PCBP3: variants seen among roughly 807,000 people sequenced by gnomAD.
The protein encoded by PCBP3 is poly(rC)-binding protein 3.
A neutral mutation model predicts 52.7 loss-of-function variants in PCBP3; 25 were observed. That is an observed-to-expected ratio of 0.47 (90% CI 0.35 to 0.66). PCBP3 has a LOEUF of 0.66. Among genes scored for constraint, PCBP3 ranks in the 30% least tolerant of loss-of-function variants. The pLI is 0.01. For missense variants in PCBP3, 391 were observed against 490.3 expected, an observed-to-expected ratio of 0.80 and a Z score of 1.91; for synonymous variants, 162 against 183.0, an observed-to-expected ratio of 0.89 and a Z score of 0.93.
chr21:45,908,710 C>T lies in PCBP3; in HGVS notation c.340-645C>T, dbSNP rs1373514515. ...TCCGGGCCACAGCCTGGACACGCCC[C>T]ATGCGGCTGACAGAAGCCCTGTCCC... On this transcript the variant is annotated intron_variant, in intron 9 of 17. Transcript: ENST00000681687. Among the ~76,000 whole-genome samples the T allele has an allele frequency of 2.6e-5, 4 of 152,186 alleles. No individual in the cohort carries two copies. The South Asian group carries it at 8.3e-4, about 31-fold the overall frequency.
chr21:45,848,106 G>GA (rs2093855285), intron 4 of PCBP3: 1 of 152,224 alleles, frequency 6.6e-6, no homozygotes, highest in South Asian at 2.1e-4. Flanking sequence ...CAAAGGATTG[G>GA]ACAAAACGCA....
intron 4 of PCBP3, among the ~76,000 whole-genome samples, chr21:45,822,106 A>G (rs1356871688): frequency 6.6e-6 from 1 of 152,136 alleles, no homozygotes; most frequent in Non-Finnish European, 1.5e-5. Flanking sequence ...ACGTGTGACT[A>G]TCACCCATAG....
chr21:45,768,529 C>T (rs1208056993), intron 4 of PCBP3, among the ~76,000 whole-genome samples: 2 of 152,324 alleles, frequency 1.3e-5, no homozygotes, highest in African/African-American at 2.4e-5. Context: ...ATATCATTAC[C>T]ACATTCTTGT....
chr21:45,917,674 T>G lies in PCBP3; in HGVS notation c.717+45T>G. The G allele has an allele frequency of 6.9e-7, 1 of 1,447,240 alleles. No individual in the cohort carries two copies. Among genetic ancestry groups the G allele is most frequent in the Non-Finnish European group, 9.7e-7 (1 of 1,027,730 alleles). The allele number at this position is 1,447,240 out of a possible 1,614,324, so 89.6% of individuals were successfully genotyped here. ...TCCTCTCACCTTTCTCTTCTCATGG[T>G]TGTTTACCTACCTGCATGCTGCTGT... is the stretch of plus-strand genomic sequence containing the variant. On this transcript the variant is annotated intron_variant, in intron 13 of 17. Transcript: ENST00000681687. This position sits in a 1 kb window ranked among gnomAD's most constrained non-coding sequence, Gnocchi z 5.3.
chr21:45,716,113 T>G (rs745719681), intron 2 of PCBP3, among the ~76,000 whole-genome samples: 1 of 152,170 alleles, frequency 6.6e-6, no homozygotes, highest in African/African-American at 2.4e-5. Flanking sequence ...AGTCCTTAGG[T>G]CTTTGATTCA....
intron 2 of PCBP3, among the ~76,000 whole-genome samples, chr21:45,713,652 C>T (rs2084010190): frequency 6.6e-6 from 1 of 152,222 alleles, no homozygotes; most frequent in African/African-American, 2.4e-5. Flanking sequence ...ACGCCATGCT[C>T]CGCTACTTGC....
Position 45,736,979 on chromosome 21 carries a change from G to C in PCBP3, c.-162+1550G>C, listed in dbSNP as rs2085919945. 6.6e-6 allele frequency among the ~76,000 whole-genome samples: 1 copy of C among 152,116 alleles called. No individual in the cohort carries two copies. The highest frequency in any genetic ancestry group is 1.5e-5 in the Non-Finnish European group (1 of 68,002). ...GACACGGGGCATCTGCGCGAGTCTT[G>C]CTGGAGGTGCACGTGTGAGCCCCTT... On this transcript the variant is annotated intron_variant, in intron 3 of 17. Transcript: ENST00000681687. The surrounding 1 kb of genome is among the most constrained non-coding windows in gnomAD (Gnocchi z 4.6).
At chr21:45,875,833 G>A (rs976085984) in intron 5 of PCBP3, among the ~76,000 whole-genome samples, 1 of 152,208 alleles carries the variant, frequency 6.6e-6, no homozygotes, top group African/African-American at 2.4e-5. Context: ...CACCTATATA[G>A]GACACACATT....
At position 45,821,281 on chromosome 21, in the gene PCBP3, T is replaced by C. The variant is rs1308122638; in HGVS notation, c.-125-28680T>C. The stretch of plus-strand genomic sequence containing the variant: ...CAAGACCCTCAGGGTCGCCAGTGAC[T>C]CCTGGGTCACACTGGCCCAGCACAC... On this transcript the variant is annotated intron_variant, in intron 4 of 17. Coordinates refer to ENST00000681687, the MANE Select transcript of PCBP3 (RefSeq NM_001384156.1). This position sits in a 1 kb window ranked among gnomAD's most constrained non-coding sequence, Gnocchi z 4.4. Among the ~76,000 whole-genome samples the C allele has an allele frequency of 6.6e-6, 1 of 151,904 alleles. No individual in the cohort carries two copies. Among genetic ancestry groups the C allele is most frequent in the African/African-American group, 2.4e-5 (1 of 41,312 alleles).
intron 2 of PCBP3, among the ~76,000 whole-genome samples, chr21:45,713,220 G>A (rs537609784): frequency 1.3e-5 from 2 of 152,100 alleles, no homozygotes; most frequent in African/African-American, 4.8e-5. Flanking sequence ...CTTGGTGTCC[G>A]TTTATCTTCC....
intron 2 of PCBP3, among the ~76,000 whole-genome samples, chr21:45,678,550 T>C (rs542252552): frequency 6.4e-4 from 97 of 152,054 alleles, no homozygotes; most frequent in Admixed American, 4.2e-3. Flanking sequence ...CCATCCTTTA[T>C]TGAAGGAAGT....
intron 12 of PCBP3, chr21:45,915,426 T>G (rs381083): frequency 0.67 from 102,389 of 152,176 alleles, 35,416 homozygotes; most frequent in African/African-American, 0.81. Flanking sequence ...ACTCCACCTT[T>G]ATGTTTAAAC....
intron 6 of PCBP3, among the ~76,000 whole-genome samples, chr21:45,898,397 G>GGACCCCTCTA (rs1569466780): frequency 2.7e-5 from 2 of 75,342 alleles, no homozygotes; most frequent in Non-Finnish European, 2.9e-5. Flanking sequence ...GCCTCCCTCT[G>GGACCCCTCTA]CACACCGTCC....
intron 4 of PCBP3, among the ~76,000 whole-genome samples, chr21:45,814,256 T>C (rs1444726270): frequency 6.6e-6 from 1 of 152,192 alleles, no homozygotes; most frequent in African/African-American, 2.4e-5. Context: ...TGGAGGTTGC[T>C]CTGGGTGAGT....
At chr21:45,756,569 G>A (rs765751150) in intron 4 of PCBP3, among the ~76,000 whole-genome samples, 41 of 152,190 alleles carry the variant, frequency 2.7e-4, no homozygotes, top group Non-Finnish European at 5.3e-4. Flanking sequence ...TATCTTGTTT[G>A]TATTAAGATA....
At chr21:45,913,621 A>G (rs1020013652) in intron 11 of PCBP3, among the ~76,000 whole-genome samples, 16 of 152,258 alleles carry the variant, frequency 1.1e-4, no homozygotes, top group Admixed American at 2.0e-4. Flanking sequence ...GCCTCCCACA[A>G]TGGGACTGAC....
At chr21:45,887,885 T>C (rs1220868779) in intron 5 of PCBP3, among the ~76,000 whole-genome samples, 7 of 152,210 alleles carry the variant, frequency 4.6e-5, no homozygotes, top group Non-Finnish European at 1.0e-4. Context: ...AATAGATGTC[T>C]AGTACCAGCC....
At chr21:45,857,129 A>C (rs1238242695) in intron 5 of PCBP3, among the ~76,000 whole-genome samples, 1 of 152,214 alleles carries the variant, frequency 6.6e-6, no homozygotes, top group Non-Finnish European at 1.5e-5. Context: ...AGGGCCTGGG[A>C]GAAAAAGATC....
At chr21:45,709,481 G>A (rs1009712659) in intron 2 of PCBP3, among the ~76,000 whole-genome samples, 4 of 152,138 alleles carry the variant, frequency 2.6e-5, no homozygotes, top group Non-Finnish European at 4.4e-5. Context: ...GAAGATAGGC[G>A]ACGACTTTTC....
Sources: allele counts gnomAD v4.1 joint callset (sites outside exome capture counted in the v4.1 genomes callset), GRCh38; gene constraint gnomAD v4.1.1; non-coding constraint Gnocchi (gnomAD v3.1); transcripts MANE v1.5; gene names NCBI Gene and HGNC (gene_info 2026-07-23, HGNC 2026-07-21).